DYNC2I1: variants seen among roughly 807,000 people sequenced by gnomAD.
DYNC2I1 encodes dynein 2 intermediate chain 1.
DYNC2I1 carries 89 observed loss-of-function variants against 133.4 expected under a neutral mutation model. That is an observed-to-expected ratio of 0.67 (90% CI 0.56 to 0.80). The LOEUF is 0.80. DYNC2I1 is among the 30% of genes least tolerant of loss of function. DYNC2I1 has a pLI of 0.00. For synonymous variants in DYNC2I1, 504 were observed against 484.3 expected (o/e 1.04, Z -0.54); for missense variants, 1,291 against 1,314.5 (o/e 0.98, Z 0.28).
the DYNC2I1 span, among the ~76,000 whole-genome samples, chr7:158,847,728 A>T: frequency 6.6e-6 from 1 of 152,244 alleles, no homozygotes; most frequent in Non-Finnish European, 1.5e-5. Context: ...CCATGCTCCA[A>T]TGTGGATCTG....
chr7:158,916,377 T>A (rs1585151437), intron 14 of DYNC2I1, among the ~76,000 whole-genome samples: 1 of 91,650 alleles, frequency 1.1e-5, no homozygotes, highest in Admixed American at 1.0e-4. Context: ...GACACGCTGG[T>A]TGACATTAAG....
intron 3 of DYNC2I1, among the ~76,000 whole-genome samples, chr7:158,875,062 T>C (rs558384509): frequency 7.3e-5 from 11 of 150,772 alleles, no homozygotes; most frequent in Admixed American, 1.3e-4. Flanking sequence ...CCCAGACTCC[T>C]AGAAGAGTGC....
intron 14 of DYNC2I1, among the ~76,000 whole-genome samples, chr7:158,916,667 CCT>C (rs1245285539): frequency 1.3e-5 from 1 of 76,434 alleles, no homozygotes; most frequent in Non-Finnish European, 3.1e-5. Context: ...GATTGTGAAA[CCT>C]CGACACGGTG....
rs1851768451 is a variant in DYNC2I1 at position 158,945,301 on chromosome 7, C to T, written c.3003-280C>T. Among the ~76,000 whole-genome samples the T allele has an allele frequency of 6.6e-6, 1 of 152,176 alleles. No individual in the cohort carries two copies. The highest frequency in any genetic ancestry group is 2.4e-5 in the African/African-American group (1 of 41,436). Reference sequence around the variant, plus strand: ...CTGTGCTGCTGATGGCCCCCACCTTCTCCAGGGACCTGCTGGGGGCTACTG... The same window carrying T: ...CTGTGCTGCTGATGGCCCCCACCTTTTCCAGGGACCTGCTGGGGGCTACTG... On this transcript the variant is annotated intron_variant, in intron 24 of 24. Transcript: ENST00000407559. This position sits in a 1 kb window ranked among gnomAD's most constrained non-coding sequence, Gnocchi z 4.1.
upstream of DYNC2I1, among the ~76,000 whole-genome samples, chr7:158,856,383 C>G (rs938820128): frequency 3.9e-5 from 6 of 152,262 alleles, no homozygotes; most frequent in Non-Finnish European, 1.5e-5. Flanking sequence ...GCACCTACCC[C>G]TTGGGGAGAC....
At chr7:158,934,044 T>G in intron 21 of DYNC2I1, 85 bp from the exon 22 acceptor site, 1 of 908,482 alleles carries the variant, frequency 1.1e-6, no homozygotes, top group Non-Finnish European at 1.7e-6. Context: ...ATCGATGTAT[T>G]GTAGTGCAAA....
chr7:158,847,432 A>G, the DYNC2I1 span, among the ~76,000 whole-genome samples: 1 of 152,076 alleles, frequency 6.6e-6, no homozygotes, highest in Admixed American at 6.5e-5. Context: ...ATTAAACTAA[A>G]TGGATACAGA....
intron 11 of DYNC2I1, among the ~76,000 whole-genome samples, chr7:158,909,810 G>A (rs977594736): frequency 6.6e-5 from 10 of 152,162 alleles, no homozygotes; most frequent in East Asian, 1.9e-4. Context: ...TTTGACGTTC[G>A]CACAGGGTCG....
At chr7:158,880,489 G>A (rs1419605188) in intron 5 of DYNC2I1, among the ~76,000 whole-genome samples, 3 of 152,196 alleles carry the variant, frequency 2.0e-5, no homozygotes, top group Non-Finnish European at 4.4e-5. Context: ...GAACCCAGGA[G>A]GCATAGGTTG....
intron 1 of DYNC2I1, among the ~76,000 whole-genome samples, chr7:158,865,022 A>G (rs763182538): frequency 6.6e-6 from 1 of 152,218 alleles, no homozygotes; most frequent in African/African-American, 2.4e-5. Flanking sequence ...AATGAGCGTC[A>G]GGTCCAGGGG....
chr7:158,927,325 C>CCT (rs1291117567), intron 20 of DYNC2I1, among the ~76,000 whole-genome samples: 1 of 151,504 alleles, frequency 6.6e-6, no homozygotes, highest in African/African-American at 2.4e-5. Flanking sequence ...ATTGCTTGAG[C>CCT]CTAGGAGTTT....
intron 7 of DYNC2I1, 80 bp downstream of exon 7, chr7:158,887,155 G>A (rs1844688892): frequency 2.2e-5 from 32 of 1,438,206 alleles, no homozygotes; most frequent in Non-Finnish European, 3.1e-5. Context: ...GCTTCCCCTT[G>A]AAACCAGAGG....
intron 19 of DYNC2I1, among the ~76,000 whole-genome samples, chr7:158,926,691 C>T (rs919816447): frequency 7.2e-5 from 11 of 152,184 alleles, no homozygotes; most frequent in East Asian, 1.9e-4. Flanking sequence ...GCTTTGGGAA[C>T]GCGGAATGAA....
At chr7:158,912,446 A>G (rs965462948) in intron 12 of DYNC2I1, among the ~76,000 whole-genome samples, 8 of 152,106 alleles carry the variant, frequency 5.3e-5, no homozygotes, top group Non-Finnish European at 1.0e-4. Context: ...GGCTTTTACA[A>G]TTTTTAAATT....
intron 10 of DYNC2I1, chr7:158,905,140 CTTTT>C (rs77389434): frequency 1.7e-3 from 562 of 335,326 alleles, no homozygotes; most frequent in East Asian, 3.3e-3. Context: ...CTTTCTTTTT[CTTTT>C]TTTTTTTTTT....
rs374305328 is a variant in DYNC2I1 at position 158,942,050 on chromosome 7, C to T, written c.2904C>T (p.Ala968=). Residue 968 remains alanine (A), a synonymous_variant, in exon 24 of 25, where the codon GCC becomes GCT. Transcript: ENST00000407559. ...TGLQWSPTRP[A]VFLVQDDTSN... is the part of the protein sequence containing the mutation. ...TGCAGTGGTCCCCAACCAGGCCTGC[C>T]GTGTTCCTGGTGCAGGACGACACAT... The T allele has an allele frequency of 1.2e-4, 186 of 1,613,102 alleles. No individual in the cohort carries two copies. In the Admixed American group the frequency reaches 1.4e-3, roughly 12 times the overall value.
chr7:158,878,430 T>A (rs1176910679), intron 4 of DYNC2I1, among the ~76,000 whole-genome samples: 3 of 110,312 alleles, frequency 2.7e-5, no homozygotes, highest in Admixed American at 1.0e-4. Flanking sequence ...CGACTGTGAG[T>A]GCCGGGCGCC....
intron 21 of DYNC2I1, 144 bp from the exon 22 acceptor site, chr7:158,933,985 G>C (rs1467155027): frequency 1.6e-6 from 1 of 611,292 alleles, no homozygotes; most frequent in Non-Finnish European, 2.8e-6. Context: ...GAAGAAAATA[G>C]AAACAGAGTG....
At chr7:158,947,638 G>C (rs1043835605), downstream of DYNC2I1, among the ~76,000 whole-genome samples, 20 of 152,200 alleles carry the variant, frequency 1.3e-4, no homozygotes, top group African/African-American at 4.1e-4. Flanking sequence ...TGCTCCTTTA[G>C]GGGGAGCTCC....
Sources: allele counts gnomAD v4.1 joint callset (sites outside exome capture counted in the v4.1 genomes callset), GRCh38; gene constraint gnomAD v4.1.1; non-coding constraint Gnocchi (gnomAD v3.1); transcripts MANE v1.5; gene names NCBI Gene and HGNC (gene_info 2026-07-23, HGNC 2026-07-21).